SLC26A7: variants seen among roughly 807,000 people sequenced by gnomAD.
SLC26A7 encodes solute carrier family 26 member 7, also known as anion exchange transporter.
A neutral mutation model predicts 82.5 loss-of-function variants in SLC26A7; 59 were observed. The observed-to-expected ratio is 0.72, with a 90% CI of 0.58 to 0.89. SLC26A7 has a LOEUF of 0.89. SLC26A7 is among the 40% of genes least tolerant of loss of function. The pLI, the probability that SLC26A7 is intolerant of heterozygous loss-of-function variation, is 0.00. For missense variants in SLC26A7, 820 were observed against 793.0 expected, an observed-to-expected ratio of 1.03 and a Z score of -0.41; for synonymous variants, 271 against 274.3, an observed-to-expected ratio of 0.99 and a Z score of 0.12.
intron 15 of SLC26A7, among the ~76,000 whole-genome samples, chr8:91,370,806 G>T (rs1455639500): frequency 2.0e-5 from 3 of 151,946 alleles, no homozygotes; most frequent in African/African-American, 7.2e-5. Context: ...AAGCATCAGT[G>T]TAGTTAAATT....
At chr8:91,386,506 C>G (rs1310793606) in intron 15 of SLC26A7, among the ~76,000 whole-genome samples, 2 of 152,096 alleles carry the variant, frequency 1.3e-5, no homozygotes, top group Admixed American at 6.5e-5. Flanking sequence ...CAATTTGTGT[C>G]ATCATTGTTA....
At chr8:91,308,277 GTGTC>G (rs1333175728) in intron 4 of SLC26A7, among the ~76,000 whole-genome samples, 1 of 150,838 alleles carries the variant, frequency 6.6e-6, no homozygotes, top group African/African-American at 2.5e-5. Flanking sequence ...GTGTGTGTGT[GTGTC>G]TACATATAAT....
chr8:91,327,079 G>C (rs1213524310), intron 5 of SLC26A7, among the ~76,000 whole-genome samples: 1 of 152,126 alleles, frequency 6.6e-6, no homozygotes, highest in Non-Finnish European at 1.5e-5. Context: ...TAAGGTGACA[G>C]TCACAGGCAC....
At chr8:91,355,672 C>A (rs1813843696) in intron 11 of SLC26A7, among the ~76,000 whole-genome samples, 1 of 150,656 alleles carries the variant, frequency 6.6e-6, no homozygotes, top group African/African-American at 2.4e-5. Flanking sequence ...GGTTTTTTTT[C>A]CTGAGATTAT....
chr8:91,304,485 C>T (rs541775731), intron 4 of SLC26A7, among the ~76,000 whole-genome samples: 18 of 152,206 alleles, frequency 1.2e-4, no homozygotes, highest in Non-Finnish European at 2.2e-4. Context: ...GAGGCATCCT[C>T]AGCCATACTA....
At chr8:91,349,269 A>G (rs1374043217) in intron 9 of SLC26A7, among the ~76,000 whole-genome samples, 2 of 152,186 alleles carry the variant, frequency 1.3e-5, no homozygotes, top group East Asian at 1.9e-4. Context: ...ATTTCATTAC[A>G]TGACTTACCA....
intron 4 of SLC26A7, among the ~76,000 whole-genome samples, chr8:91,296,178 A>G (rs920388815): frequency 2.6e-5 from 4 of 152,172 alleles, no homozygotes; most frequent in African/African-American, 9.6e-5. Flanking sequence ...AGGTTTGCTG[A>G]TCTGAGGTCA....
intron 15 of SLC26A7, among the ~76,000 whole-genome samples, chr8:91,388,369 C>T (rs963718690): frequency 6.6e-6 from 1 of 152,158 alleles, no homozygotes; most frequent in African/African-American, 2.4e-5. Context: ...GCCTCAGCCT[C>T]CCGAGCGGGA....
At position 91,397,427 on chromosome 8, in the gene SLC26A7, G is replaced by C. The variant is rs1808600681; in HGVS notation, c.*2330G>C. Reference sequence around the variant, plus strand: ...TAGAGTCACAATGAATTATTTTTATGAGATTACCTTATTTTTATATATGAC... The same window carrying C: ...TAGAGTCACAATGAATTATTTTTATCAGATTACCTTATTTTTATATATGAC... On this transcript the variant is annotated 3_prime_UTR_variant, in exon 19 of 19. Coordinates refer to ENST00000276609, the MANE Select transcript of SLC26A7 (RefSeq NM_052832.4). 1 of 152,638 alleles carries C rather than the reference G, an allele frequency of 6.6e-6. No homozygotes were observed. Among genetic ancestry groups the C allele is most frequent in the Non-Finnish European group, 1.5e-5 (1 of 67,954 alleles). 9.5% of individuals were successfully genotyped at this position (152,638 alleles called of 1,614,324 possible). A position where few individuals can be genotyped will look rare whatever the true frequency, so the allele number is the denominator to read the frequency against.
chr8:91,250,845 A>G (rs955447366), intron 2 of SLC26A7, among the ~76,000 whole-genome samples: 16 of 152,260 alleles, frequency 1.1e-4, no homozygotes, highest in Admixed American at 3.3e-4. Context: ...TTTAAGATCC[A>G]TAATACTGTC....
At chr8:91,364,763 G>A (rs1164634042) in intron 13 of SLC26A7, among the ~76,000 whole-genome samples, 1 of 152,136 alleles carries the variant, frequency 6.6e-6, no homozygotes, top group African/African-American at 2.4e-5. Flanking sequence ...ATGTACAGAA[G>A]TGAATGAGGG....
At chr8:91,259,602 C>T (rs1167246764) in intron 2 of SLC26A7, among the ~76,000 whole-genome samples, 1 of 152,016 alleles carries the variant, frequency 6.6e-6, no homozygotes, top group Non-Finnish European at 1.5e-5. Flanking sequence ...TTTTATGTTC[C>T]CTTCAGCATC....
chr8:91,251,950 G>A, intron 2 of SLC26A7, among the ~76,000 whole-genome samples: 1 of 152,072 alleles, frequency 6.6e-6, no homozygotes, highest in East Asian at 1.9e-4. Flanking sequence ...CAAAGGCAAA[G>A]TGACAAGAAA....
chr8:91,376,964 G>A (rs896643001), intron 15 of SLC26A7, among the ~76,000 whole-genome samples: 1 of 152,110 alleles, frequency 6.6e-6, no homozygotes, highest in African/African-American at 2.4e-5. Context: ...TGCAGACTGT[G>A]GATGAAGCCC....
At chr8:91,387,804 A>C (rs1814839564) in intron 15 of SLC26A7, among the ~76,000 whole-genome samples, 1 of 152,212 alleles carries the variant, frequency 6.6e-6, no homozygotes, top group African/African-American at 2.4e-5. Flanking sequence ...TCCTAAAGAA[A>C]GGAATAAGAC....
At chr8:91,317,572 A>C (rs908659238) in intron 4 of SLC26A7, among the ~76,000 whole-genome samples, 1 of 152,226 alleles carries the variant, frequency 6.6e-6, no homozygotes, top group East Asian at 1.9e-4. Flanking sequence ...AACCTCTGGC[A>C]TAAATGGGTT....
intron 13 of SLC26A7, among the ~76,000 whole-genome samples, chr8:91,363,786 T>C (rs1256966235): frequency 2.6e-5 from 4 of 152,136 alleles, no homozygotes; most frequent in African/African-American, 9.7e-5. Context: ...TACCTAGAAC[T>C]ACAGTTCACT....
chr8:91,228,557 G>A (rs376276368), intron 2 of SLC26A7, among the ~76,000 whole-genome samples: 143 of 152,330 alleles, frequency 9.4e-4, no homozygotes, highest in African/African-American at 3.3e-3. Flanking sequence ...TGGGCCAGGA[G>A]CTTCACAACG....
intron 11 of SLC26A7, chr8:91,357,473 C>T (rs565140594): frequency 6.6e-6 from 1 of 152,176 alleles, no homozygotes; most frequent in South Asian, 2.1e-4. Context: ...CTTTAATATA[C>T]TCTCTAAATC....
Sources: gnomAD v4.1 joint callset for allele counts (sites outside exome capture counted in the v4.1 genomes callset) on GRCh38, gnomAD v4.1.1 for gene constraint, MANE v1.5 for transcripts, NCBI Gene and HGNC (gene_info 2026-07-23, HGNC 2026-07-21) for gene names.